Variants in IFFO2 observed in about 807,000 individuals in gnomAD.
IFFO2 encodes the protein intermediate filament family orphan 2.
IFFO2 carries 19 observed loss-of-function variants against 53.5 expected under a neutral mutation model. The observed-to-expected ratio is 0.36, with a 90% CI of 0.25 to 0.52. IFFO2 has a LOEUF of 0.52. IFFO2 is among the 20% of genes least tolerant of loss of function. IFFO2 has a pLI of 0.94. For missense variants in IFFO2, 570 were observed against 727.4 expected (o/e 0.78, Z 2.49); for synonymous variants, 303 against 313.6 (o/e 0.97, Z 0.36).
chr1:18,926,755 C>CA (rs1255443978), intron 1 of IFFO2, among the ~76,000 whole-genome samples: 1 of 151,784 alleles, frequency 6.6e-6, no homozygotes, highest in Non-Finnish European at 1.5e-5. Context: ...AGATGACACA[C>CA]AGACCCGCAG....
chr1:18,936,206 C>A lies in IFFO2; in HGVS notation c.666-15085G>T, dbSNP rs1383585586. Among the ~76,000 whole-genome samples the A allele has an allele frequency of 6.6e-6, 1 of 152,184 alleles. No homozygotes were observed. The highest frequency in any genetic ancestry group is 1.5e-5 in the Non-Finnish European group (1 of 68,032). On this transcript the variant is annotated intron_variant, in intron 1 of 8. Transcript: ENST00000455833. The surrounding 1 kb of genome is among the most constrained non-coding windows in gnomAD (Gnocchi z 4.5). ...GCCTTAGATATGGCCACCCTGCCAG[C>A]CCCTCCCTGCCAGCCTCAGTTTCCC...
chr1:18,908,910 C>T (rs893840755), intron 8 of IFFO2, among the ~76,000 whole-genome samples: 4 of 152,146 alleles, frequency 2.6e-5, no homozygotes, highest in Non-Finnish European at 4.4e-5. Context: ...GGAGCTGGAC[C>T]GTGGATCAAG....
chr1:18,939,738 T>A (rs1021038052), intron 1 of IFFO2, among the ~76,000 whole-genome samples: 2 of 152,170 alleles, frequency 1.3e-5, no homozygotes, highest in African/African-American at 4.8e-5. Context: ...AGGCAATTGA[T>A]ATCCAACCAC....
At chr1:18,913,592 G>A (rs966458693) in intron 5 of IFFO2, among the ~76,000 whole-genome samples, 1 of 152,160 alleles carries the variant, frequency 6.6e-6, no homozygotes, top group Admixed American at 6.5e-5. Context: ...CCAAACAACC[G>A]ACTTGGATCA....
intron 1 of IFFO2, 113 bp downstream of exon 1, chr1:18,955,555 G>A: frequency 1.4e-6 from 2 of 1,386,918 alleles, no homozygotes; most frequent in Non-Finnish European, 1.9e-6. Context: ...ACAGCTTCCA[G>A]CCCACCTGCC....
chr1:18,915,222 A>T (rs1489830686), intron 5 of IFFO2, among the ~76,000 whole-genome samples: 3 of 152,008 alleles, frequency 2.0e-5, no homozygotes, highest in African/African-American at 7.2e-5. Flanking sequence ...TGAGCTCTGG[A>T]CTATGGAATT....
intron 1 of IFFO2, among the ~76,000 whole-genome samples, chr1:18,946,285 A>C (rs770448271): frequency 1.3e-5 from 2 of 152,150 alleles, no homozygotes; most frequent in Non-Finnish European, 2.9e-5. Context: ...ATTTCATAGA[A>C]GTGAAAACTG....
At position 18,947,624 on chromosome 1, in the gene IFFO2, A is replaced by G. The variant is rs546126792; in HGVS notation, c.665+8044T>C. The stretch of plus-strand genomic sequence containing the variant: ...CGTGGAAATCACCAGACGGGTCATA[A>G]TATGTGTTCCCTGTTCCCCAACTCC... On this transcript the variant is annotated intron_variant, in intron 1 of 8. Coordinates refer to ENST00000455833, the MANE Select transcript of IFFO2 (RefSeq NM_001136265.2). This position sits in a 1 kb window ranked among gnomAD's most constrained non-coding sequence, Gnocchi z 5.0. Among the ~76,000 whole-genome samples the G allele has an allele frequency of 6.6e-6, 1 of 152,128 alleles. No homozygotes were observed. The highest frequency in any genetic ancestry group is 1.9e-4 in the East Asian group (1 of 5,150).
chr1:18,940,562 C>CGGATGGATGGATGGAT (rs142740984), intron 1 of IFFO2, among the ~76,000 whole-genome samples: 15 of 148,420 alleles, frequency 1.0e-4, no homozygotes, highest in South Asian at 4.4e-4. Flanking sequence ...GATGGACAAA[C>CGGATGGATGGATGGAT]GGATGGATGG....
chr1:18,924,912 C>T (rs1936261258), intron 1 of IFFO2, among the ~76,000 whole-genome samples: 1 of 152,224 alleles, frequency 6.6e-6, no homozygotes, highest in South Asian at 2.1e-4. Context: ...CATCATACTG[C>T]ACATGCACTG....
intron 1 of IFFO2, among the ~76,000 whole-genome samples, chr1:18,923,718 C>G (rs900900367): frequency 1.3e-5 from 2 of 152,194 alleles, no homozygotes; most frequent in Non-Finnish European, 2.9e-5. Flanking sequence ...AGCAGCGTGT[C>G]TCAGCCTAGA....
At position 18,904,971 on chromosome 1, in the gene IFFO2, T is replaced by G. The variant is rs1321064113; in HGVS notation, c.*3590A>C. ...AGGCCCAGGCTCCAAGGAAGTCGTG[T>G]GCTCCCACTGTCACCCATGCTCTGC... On this transcript the variant is annotated 3_prime_UTR_variant, in exon 9 of 9. Transcript: ENST00000455833. The G allele has an allele frequency of 6.6e-6, 1 of 152,306 alleles. No homozygotes were observed. The highest frequency in any genetic ancestry group is 2.4e-5 in the African/African-American group (1 of 41,450). 9.4% of individuals were successfully genotyped at this position (152,306 alleles called of 1,614,324 possible).
chr1:18,954,199 T>G (rs1936694746), intron 1 of IFFO2, among the ~76,000 whole-genome samples: 1 of 152,212 alleles, frequency 6.6e-6, no homozygotes, highest in Non-Finnish European at 1.5e-5. Flanking sequence ...GCTTGAGGAC[T>G]CTCAGCATTT....
intron 1 of IFFO2, among the ~76,000 whole-genome samples, chr1:18,939,605 A>G (rs1190461437): frequency 6.6e-6 from 1 of 152,212 alleles, no homozygotes; most frequent in Non-Finnish European, 1.5e-5. Flanking sequence ...TCTTTTCTGC[A>G]TGAAGATTGT....
Position 18,918,033 on chromosome 1 carries a change from G to A in IFFO2, c.963+329C>T, listed in dbSNP as rs1353263812. Among the ~76,000 whole-genome samples the A allele has an allele frequency of 6.6e-6, 1 of 152,250 alleles. No homozygotes were observed. The highest frequency in any genetic ancestry group is 1.5e-5 in the Non-Finnish European group (1 of 68,044). ...ACCCAGAGGAAGGGGCAGGAAGCGG[G>A]ACAATGGGTACAGTGTGGGCTGGTG... On this transcript the variant is annotated intron_variant, in intron 4 of 8. Coordinates refer to ENST00000455833, the MANE Select transcript of IFFO2 (RefSeq NM_001136265.2). This position sits in a 1 kb window ranked among gnomAD's most constrained non-coding sequence, Gnocchi z 5.2.
At chr1:18,941,471 C>T (rs1353690111) in intron 1 of IFFO2, among the ~76,000 whole-genome samples, 1 of 152,244 alleles carries the variant, frequency 6.6e-6, no homozygotes, top group Non-Finnish European at 1.5e-5. Flanking sequence ...CAGCCTTCAA[C>T]GTCACTCCTC....
Position 18,918,687 on chromosome 1 carries a change from G to C in IFFO2, c.823-185C>G, listed in dbSNP as rs992875405. 1.3e-5 allele frequency among the ~76,000 whole-genome samples: 2 copies of C among 152,158 alleles called. No homozygotes were observed. Among genetic ancestry groups the C allele is most frequent in the African/African-American group, 4.8e-5 (2 of 41,514 alleles). ...GGCGGCACTGGTCAGGGTGGGATGG[G>C]GTTGGGGCCTTGGGAGTCAGGGGCC... On this transcript the variant is annotated intron_variant, in intron 3 of 8. Transcript: ENST00000455833. The surrounding 1 kb of genome is among the most constrained non-coding windows in gnomAD (Gnocchi z 5.2).
chr1:18,922,467 CT>C (rs1219129737), intron 1 of IFFO2, among the ~76,000 whole-genome samples: 2 of 152,116 alleles, frequency 1.3e-5, no homozygotes, highest in East Asian at 3.9e-4. Context: ...ACGTCACCGG[CT>C]TTTGGAAACA....
chr1:18,952,457 C>T (rs547771747), intron 1 of IFFO2, among the ~76,000 whole-genome samples: 50 of 152,290 alleles, frequency 3.3e-4, no homozygotes, highest in African/African-American at 1.2e-3. Flanking sequence ...ATTTAAAATA[C>T]ATTGAATACC....
Sources: allele counts gnomAD v4.1 joint callset (sites outside exome capture counted in the v4.1 genomes callset), GRCh38; gene constraint gnomAD v4.1.1; non-coding constraint Gnocchi (gnomAD v3.1); transcripts MANE v1.5; gene names NCBI Gene and HGNC (gene_info 2026-07-23, HGNC 2026-07-21).